Variants in FDFT1 observed in about 807,000 individuals in gnomAD.
The protein encoded by FDFT1 is squalene synthase.
In FDFT1, 68 loss-of-function variants were observed where a neutral mutation model predicts 46.8. The observed-to-expected ratio is 1.45, with a 90% confidence interval of 1.19 to 1.78. The LOEUF (loss-of-function observed/expected upper bound fraction) is 1.78, where lower values mean the gene tolerates loss of function less well. Among genes scored for constraint, FDFT1 ranks in the 40% most tolerant of loss-of-function variants. The pLI is 0.00. For synonymous variants in FDFT1, 351 were observed against 185.1 expected, an observed-to-expected ratio of 1.90 and a Z score of -7.28; for missense variants, 928 against 524.4, an observed-to-expected ratio of 1.77 and a Z score of -7.52.
At chr8:11,816,392 C>A (rs1050256200) in intron 3 of FDFT1, among the ~76,000 whole-genome samples, 1 of 152,018 alleles carries the variant, frequency 6.6e-6, no homozygotes, top group Non-Finnish European at 1.5e-5. Context: ...TAGTTTTTTC[C>A]AATTCTGTGA....
chr8:11,832,124 T>A (rs969894042), intron 7 of FDFT1, among the ~76,000 whole-genome samples: 1 of 152,182 alleles, frequency 6.6e-6, no homozygotes, highest in Non-Finnish European at 1.5e-5. Context: ...GTAGGGAATT[T>A]AGGCCAAGGA....
chr8:11,839,101 G>C lies in FDFT1; in HGVS notation c.*492G>C, dbSNP rs553670569. The C allele has an allele frequency of 1.9e-5, 3 of 156,886 alleles. No individual in the cohort carries two copies. The South Asian group carries it at 5.6e-4, about 30-fold the overall frequency. 9.7% of individuals were successfully genotyped at this position (156,886 alleles called of 1,614,324 possible). On this transcript the variant is annotated 3_prime_UTR_variant, in exon 8 of 8. Coordinates refer to ENST00000220584, the MANE Select transcript of FDFT1 (RefSeq NM_004462.5). ...ATATTTATGGTTTAGGTAACAGTTA[G>C]ATGTTTCCTAAGAATGCAAACTGCC...
chr8:11,814,377 C>T (rs544170916), intron 3 of FDFT1, among the ~76,000 whole-genome samples: 1 of 142,448 alleles, frequency 7.0e-6, no homozygotes, highest in East Asian at 2.1e-4. Context: ...TATGTGTATT[C>T]CTGGTATGTT....
intron 1 of FDFT1, among the ~76,000 whole-genome samples, chr8:11,804,762 A>G (rs1351898349): frequency 6.6e-6 from 1 of 151,666 alleles, no homozygotes; most frequent in Admixed American, 6.6e-5. Flanking sequence ...ACCTGCCACT[A>G]CGCCCGGCTG....
At chr8:11,801,922 C>T (rs964813926), upstream of FDFT1, 2 of 454,282 alleles carry the variant, frequency 4.4e-6, no homozygotes, top group Non-Finnish European at 8.8e-6. Flanking sequence ...ATCTCTTGAC[C>T]TCGTGATCCA....
intron 7 of FDFT1, chr8:11,831,893 C>A: frequency 6.5e-6 from 3 of 464,932 alleles, no homozygotes; most frequent in Non-Finnish European, 1.1e-5. Context: ...ATAAATGGAG[C>A]AAGGCTGTAG....
At chr8:11,825,997 A>C in intron 4 of FDFT1, 27 bp from the exon 5 acceptor site, 3 of 1,488,408 alleles carry the variant, frequency 2.0e-6, no homozygotes, top group African/African-American at 1.4e-5. Context: ...TCCATTATTA[A>C]AGTGCTTTAA....
chr8:11,838,272 C>T (rs1811814180), intron 7 of FDFT1, 116 bp from the exon 8 acceptor site: 4 of 780,772 alleles, frequency 5.1e-6, no homozygotes, highest in Admixed American at 2.1e-5. Flanking sequence ...CTCTGAGCCT[C>T]CCTTTCCTCA....
chr8:11,803,328 T>C, intron 1 of FDFT1: 1 of 1,295,032 alleles, frequency 7.7e-7, no homozygotes, highest in Non-Finnish European at 1.0e-6. Flanking sequence ...GCAGATAACA[T>C]CACATGAAGG....
intron 4 of FDFT1, 141 bp downstream of exon 4, chr8:11,822,019 C>G: frequency 1.0e-6 from 1 of 960,978 alleles, no homozygotes; most frequent in Non-Finnish European, 1.5e-6. Context: ...TTGAATGTCT[C>G]ATCATAAACA....
chr8:11,820,451 C>G (rs1453800925), intron 3 of FDFT1, among the ~76,000 whole-genome samples: 1 of 150,680 alleles, frequency 6.6e-6, no homozygotes, highest in Non-Finnish European at 1.5e-5. Context: ...GCCCTGCCCC[C>G]AGAGATGCAA....
rs1425233649 is a variant in FDFT1 at position 11,838,462 on chromosome 8, G to C, written c.1107G>C (p.Gln369His). ...TRQIISTIRT[Q>H]NLPNCQLISR... is the part of the protein sequence containing the mutation. ...AGATCATCTCCACCATCCGGACGCA[G>C]AATCTTCCCAACTGTCAGCTGATTT... is the stretch of plus-strand genomic sequence containing the variant. The change falls in exon 8 of 8, where the codon CAG becomes CAC. Residue 369 changes from glutamine to histidine, a missense_variant. Transcript: ENST00000220584. The C allele has an allele frequency of 6.2e-7, 1 of 1,607,696 alleles. No individual in the cohort carries two copies. Among genetic ancestry groups the C allele is most frequent in the African/African-American group, 1.3e-5 (1 of 74,766 alleles).
intron 6 of FDFT1, among the ~76,000 whole-genome samples, chr8:11,831,317 G>T (rs947616123): frequency 6.6e-6 from 1 of 152,206 alleles, no homozygotes; most frequent in Admixed American, 6.5e-5. Flanking sequence ...TTAATTCTGT[G>T]TGTTGTTGAG....
At chr8:11,814,733 T>C (rs1423746572) in intron 3 of FDFT1, among the ~76,000 whole-genome samples, 1 of 152,228 alleles carries the variant, frequency 6.6e-6, no homozygotes, top group Non-Finnish European at 1.5e-5. Context: ...AGTTGTTTAA[T>C]GAATTTAAAA....
chr8:11,822,634 C>T (rs1001922548), intron 4 of FDFT1, among the ~76,000 whole-genome samples: 4 of 152,002 alleles, frequency 2.6e-5, no homozygotes, highest in Admixed American at 6.6e-5. Context: ...AGCAACATAG[C>T]GAGACCCCGT....
At chr8:11,808,612 G>A (rs577293664) in intron 1 of FDFT1, 182 bp from the exon 2 acceptor site, 2 of 1,392,144 alleles carry the variant, frequency 1.4e-6, no homozygotes, top group South Asian at 1.6e-5. Context: ...CCGGGCGCAG[G>A]CACCGCCCCG....
In FDFT1 at chr8:11,807,072, G is replaced by A. The variant is rs141935789; in HGVS notation, c.100-1722G>A. Among the ~76,000 whole-genome samples the A allele has an allele frequency of 2.9e-3, 427 of 145,442 alleles. 2 individuals carry two copies. The highest frequency in any genetic ancestry group is 1.0e-2 in the African/African-American group (409 of 41,092). On this transcript the variant is annotated intron_variant, in intron 1 of 7. Transcript: ENST00000220584. Reference sequence around the variant, plus strand: ...CTTAAACCTCCCACCAGAGCCCAGGGTTCACTGTTACCATTCTGAAGTGAC... The same window carrying A: ...CTTAAACCTCCCACCAGAGCCCAGGATTCACTGTTACCATTCTGAAGTGAC...
intron 3 of FDFT1, among the ~76,000 whole-genome samples, chr8:11,821,223 G>T (rs1240761226): frequency 6.6e-6 from 1 of 152,184 alleles, no homozygotes; most frequent in Non-Finnish European, 1.5e-5. Context: ...GTGAGACTTT[G>T]AATCTTCTTT....
Position 11,826,123 on chromosome 8 carries a change from G to GC in FDFT1, c.612dup (p.Asn205GlnfsTer15). Reference sequence around the variant, plus strand: ...CTTAGTTGGTGAAGATACAGAACGTGCCAACTCTATGGGCCTGTTTTTGCA... The same window carrying GC: ...CTTAGTTGGTGAAGATACAGAACGTGCCCAACTCTATGGGCCTGTTTTTGCA... On this transcript the variant is annotated frameshift_variant, in exon 5 of 8. Coordinates refer to ENST00000220584, the MANE Select transcript of FDFT1 (RefSeq NM_004462.5). LOFTEE classifies it high-confidence loss of function. 6.2e-7 allele frequency: 1 copy of GC among 1,609,614 alleles called. No individual in the cohort carries two copies. The highest frequency in any genetic ancestry group is 8.5e-7 in the Non-Finnish European group (1 of 1,176,628).
Sources: allele counts gnomAD v4.1 joint callset (sites outside exome capture counted in the v4.1 genomes callset), GRCh38; gene constraint gnomAD v4.1.1; transcripts MANE v1.5; gene names NCBI Gene and HGNC (gene_info 2026-07-23, HGNC 2026-07-21).